Variants in SOS2 observed in about 807,000 individuals in gnomAD.
SOS2 encodes son of sevenless homolog 2.
Under a neutral mutation model 148.2 loss-of-function variants are expected in SOS2, and 65 were observed. The observed-to-expected ratio is 0.44, with a 90% CI of 0.36 to 0.54. The LOEUF (loss-of-function observed/expected upper bound fraction) is 0.54, where lower values mean the gene tolerates loss of function less well. SOS2 is among the 20% of genes least tolerant of loss of function. The pLI is 0.00. For synonymous variants in SOS2, 539 were observed against 537.1 expected (o/e 1.00, Z -0.05); for missense variants, 1,341 against 1,590.2 (o/e 0.84, Z 2.67).
intron 22 of SOS2, among the ~76,000 whole-genome samples, chr14:50,119,254 A>G (rs79250640): frequency 1.3e-5 from 2 of 152,306 alleles, no homozygotes; most frequent in East Asian, 3.9e-4. Flanking sequence ...AGAGCAGTAG[A>G]TCTCAAAGTG....
intron 7 of SOS2, among the ~76,000 whole-genome samples, chr14:50,176,709 T>TAAC (rs1885534131): frequency 2.0e-5 from 3 of 152,214 alleles, no homozygotes; most frequent in Admixed American, 2.0e-4. Flanking sequence ...TTGCTCAAGG[T>TAAC]AACACAACCA....
intron 1 of SOS2, among the ~76,000 whole-genome samples, chr14:50,219,806 C>T (rs1190493089): frequency 6.6e-6 from 1 of 152,100 alleles, no homozygotes; most frequent in Non-Finnish European, 1.5e-5. Flanking sequence ...CAGCTGCATA[C>T]TCTAAACTCA....
At chr14:50,177,624 CTGTG>C (rs1289859067) in intron 7 of SOS2, among the ~76,000 whole-genome samples, 1 of 151,858 alleles carries the variant, frequency 6.6e-6, no homozygotes, top group Non-Finnish European at 1.5e-5. Flanking sequence ...TTCTTATAGA[CTGTG>C]TATTTAATGC....
At chr14:50,123,264 G>C (rs544395628) in intron 21 of SOS2, among the ~76,000 whole-genome samples, 2 of 152,180 alleles carry the variant, frequency 1.3e-5, no homozygotes, top group Non-Finnish European at 2.9e-5. Flanking sequence ...ACTGAGTGAA[G>C]GGGGAGAATA....
chr14:50,176,552 T>C lies in SOS2; in HGVS notation c.970-2000A>G, dbSNP rs73285536. On this transcript the variant is annotated intron_variant, in intron 7 of 22. Coordinates refer to ENST00000216373, the MANE Select transcript of SOS2 (RefSeq NM_006939.4). Reference sequence around the variant, plus strand: ...GGAGTCCTCTGATAATAACAGGAGCTACATTTGAGTATTTAATACACATCA... The same window carrying C: ...GGAGTCCTCTGATAATAACAGGAGCCACATTTGAGTATTTAATACACATCA... 9.7e-3 allele frequency among the ~76,000 whole-genome samples: 1,482 copies of C among 152,364 alleles called. 22 individuals are homozygous for C. The highest frequency in any genetic ancestry group is 0.033 in the African/African-American group (1,387 of 41,588).
In SOS2 at chr14:50,150,141, T is replaced by C; in HGVS notation, c.2251A>G (p.Thr751Ala). The C allele has an allele frequency of 6.2e-7, 1 of 1,613,232 alleles. No homozygotes were observed. The highest frequency in any genetic ancestry group is 8.5e-7 in the Non-Finnish European group (1 of 1,179,170). ...ATTGGTGGAGGTGGACTTTCAAAGG[T>C]AATATTATGGCTTACTCCGTTTGCC... Reference protein sequence around the residue: ...AQANGVSHNITFESPPPPIEW... With the variant: ...AQANGVSHNIAFESPPPPIEW... The change falls in exon 14 of 23, where the codon ACC (threonine) becomes GCC (alanine). Residue 751 changes from threonine (T) to alanine (A), a missense_variant. Around this residue, in one of 4 missense-constraint regions of SOS2, gnomAD observed 408 missense variants for 506.6 expected, o/e 0.81. Transcript: ENST00000216373.
At chr14:50,210,370 A>G (rs932639496) in intron 1 of SOS2, among the ~76,000 whole-genome samples, 3 of 152,144 alleles carry the variant, frequency 2.0e-5, no homozygotes, top group Admixed American at 1.3e-4. Context: ...TCCTACTTCA[A>G]CCTTTACCCA....
chr14:50,205,396 C>T (rs1216060915), intron 1 of SOS2, among the ~76,000 whole-genome samples: 1 of 152,080 alleles, frequency 6.6e-6, no homozygotes, highest in Non-Finnish European at 1.5e-5. Flanking sequence ...ATCAGAAGCA[C>T]TAACACAAAA....
In SOS2 at chr14:50,118,106, T is replaced by C. The variant is rs1195852436; in HGVS notation, c.*238A>G. ...CAGTGCAAATATAAATTCTTTATAC[T>C]GGCCTTTTGGCAGCACTGAGGATCC... On this transcript the variant is annotated 3_prime_UTR_variant, in exon 23 of 23. Transcript: ENST00000216373. 2 of 462,000 alleles carry C rather than the reference T, an allele frequency of 4.3e-6. No homozygotes were observed. Among genetic ancestry groups the C allele is most frequent in the African/African-American group, 2.0e-5 (1 of 50,328 alleles). 28.6% of individuals were successfully genotyped at this position (462,000 alleles called of 1,614,324 possible).
chr14:50,147,512 T>TAAAA (rs60438147), intron 14 of SOS2, among the ~76,000 whole-genome samples: 47 of 105,248 alleles, frequency 4.5e-4, no homozygotes, highest in African/African-American at 1.7e-3. Flanking sequence ...ACCCTGTTTC[T>TAAAA]AAAAAAAAAA....
intron 2 of SOS2, among the ~76,000 whole-genome samples, chr14:50,201,295 G>A (rs1316716891): frequency 1.3e-5 from 2 of 152,030 alleles, no homozygotes; most frequent in Non-Finnish European, 2.9e-5. Flanking sequence ...CACTTTGGGA[G>A]GCTGAGGCAG....
chr14:50,146,019 G>C (rs1884456271), intron 14 of SOS2, among the ~76,000 whole-genome samples: 1 of 151,956 alleles, frequency 6.6e-6, no homozygotes, highest in South Asian at 2.1e-4. Flanking sequence ...TGTAATCCCA[G>C]CTACTTGGGA....
At chr14:50,163,184 T>C (rs1425498516) in intron 8 of SOS2, among the ~76,000 whole-genome samples, 2 of 150,462 alleles carry the variant, frequency 1.3e-5, no homozygotes, top group African/African-American at 4.9e-5. Context: ...ATAGATATTA[T>C]ATATATTATG....
chr14:50,195,002 A>T (rs200049077), intron 4 of SOS2, among the ~76,000 whole-genome samples: 1 of 151,946 alleles, frequency 6.6e-6, no homozygotes, highest in African/African-American at 2.4e-5. Context: ...GAATGACAGA[A>T]TTCAATTTTT....
At chr14:50,188,462 G>A (rs909623680) in intron 5 of SOS2, 35 bp downstream of exon 5, 2 of 1,369,088 alleles carry the variant, frequency 1.5e-6, no homozygotes, top group Non-Finnish European at 2.1e-6. Flanking sequence ...GGTTTTTTGG[G>A]GTACACAGAA....
At chr14:50,224,998 T>TGG (rs1887324789) in intron 1 of SOS2, among the ~76,000 whole-genome samples, 1 of 152,170 alleles carries the variant, frequency 6.6e-6, no homozygotes, top group African/African-American at 2.4e-5. Flanking sequence ...ATACTAGTCC[T>TGG]TATATCTAGA....
At chr14:50,217,163 G>T (rs1199518981) in intron 1 of SOS2, among the ~76,000 whole-genome samples, 2 of 152,102 alleles carry the variant, frequency 1.3e-5, no homozygotes, top group Admixed American at 1.3e-4. Flanking sequence ...ACATATATGG[G>T]CAACTGATTT....
Position 50,120,393 on chromosome 14 carries a change from G to C in SOS2, c.3380-9C>G. The stretch of plus-strand genomic sequence containing the variant: ...TGAACTAAAGAAAGACTCTGGGGGA[G>C]AAAAAGACTAGTTTAACCACAATTC... On this transcript the variant is annotated splice_polypyrimidine_tract_variant and intron_variant, in intron 21 of 22. Transcript: ENST00000216373. The C allele has an allele frequency of 7.6e-7, 1 of 1,311,654 alleles. No homozygotes were observed. The highest frequency in any genetic ancestry group is 1.1e-6 in the Non-Finnish European group (1 of 912,006). The allele number at this position is 1,311,654 out of a possible 1,614,324, so 81.3% of individuals were successfully genotyped here.
intron 1 of SOS2, among the ~76,000 whole-genome samples, chr14:50,229,339 A>G (rs929367612): frequency 1.3e-5 from 2 of 152,190 alleles, no homozygotes; most frequent in African/African-American, 4.8e-5. Flanking sequence ...AAATTTTCTT[A>G]GATGTATTTA....
Sources: allele counts gnomAD v4.1 joint callset (sites outside exome capture counted in the v4.1 genomes callset), GRCh38; gene constraint gnomAD v4.1.1; regional missense constraint gnomAD v4.1.1; transcripts MANE v1.5; gene names NCBI Gene and HGNC (gene_info 2026-07-23, HGNC 2026-07-21).